The following XRN1 variants were observed in gnomAD, a reference collection of about 807,000 sequenced individuals.
XRN1 encodes the protein strand-exchange protein 1 homolog.
In XRN1, 67 loss-of-function variants were observed where a neutral mutation model predicts 222.3. The observed-to-expected ratio is 0.30, with a 90% confidence interval of 0.25 to 0.37. XRN1 has a LOEUF of 0.37. XRN1 is among the 10% of genes least tolerant of loss of function. The pLI, the probability that XRN1 is intolerant of heterozygous loss-of-function variation, is 1.00. For missense variants in XRN1, 1,707 were observed against 2,000.2 expected (o/e 0.85, Z 2.80); for synonymous variants, 643 against 652.4 (o/e 0.99, Z 0.22).
intron 40 of XRN1, among the ~76,000 whole-genome samples, 188 bp downstream of exon 40, chr3:142,312,407 AATT>A (rs1402292681): frequency 6.6e-6 from 1 of 152,186 alleles, no homozygotes; most frequent in Non-Finnish European, 1.5e-5. Flanking sequence ...TACTTGGTAC[AATT>A]ATTGTTTATT....
At chr3:142,434,600 T>C (rs2069789083) in intron 1 of XRN1, among the ~76,000 whole-genome samples, 1 of 151,074 alleles carries the variant, frequency 6.6e-6, no homozygotes. Flanking sequence ...AGAAGAGTAT[T>C]AAAAAGAAGA....
chr3:142,404,259 C>T (rs1397236271), intron 16 of XRN1, among the ~76,000 whole-genome samples: 1 of 152,044 alleles, frequency 6.6e-6, no homozygotes, highest in South Asian at 2.1e-4. Flanking sequence ...TAAAATATGA[C>T]ACATAACACA....
At chr3:142,434,372 G>A (rs768185221) in intron 1 of XRN1, among the ~76,000 whole-genome samples, 5 of 151,994 alleles carry the variant, frequency 3.3e-5, no homozygotes, top group Non-Finnish European at 5.9e-5. Flanking sequence ...TACCAGCCAT[G>A]TTGCCCAGGT....
At chr3:142,385,456 G>C (rs1460167366) in intron 20 of XRN1, among the ~76,000 whole-genome samples, 1 of 152,134 alleles carries the variant, frequency 6.6e-6, no homozygotes, top group Non-Finnish European at 1.5e-5. Context: ...GGGTTGCCAG[G>C]AGTATGTGAT....
intron 25 of XRN1, 67 bp downstream of exon 25, chr3:142,375,731 G>A: frequency 7.0e-7 from 1 of 1,435,744 alleles, no homozygotes; most frequent in Non-Finnish European, 9.3e-7. Context: ...CTAATATCAG[G>A]AAGGCAAAAT....
chr3:142,426,190 A>G (rs193196643), intron 3 of XRN1, among the ~76,000 whole-genome samples: 47 of 152,314 alleles, frequency 3.1e-4, no homozygotes, highest in African/African-American at 1.0e-3. Flanking sequence ...ATTTTCATTC[A>G]AAGTAAAGAA....
At chr3:142,338,383 G>A (rs1186963259) in intron 33 of XRN1, among the ~76,000 whole-genome samples, 1 of 152,132 alleles carries the variant, frequency 6.6e-6, no homozygotes, top group Non-Finnish European at 1.5e-5. Context: ...GTCCTGAAGG[G>A]AAGAACCCAG....
intron 2 of XRN1, among the ~76,000 whole-genome samples, chr3:142,427,064 T>A (rs1049823312): frequency 6.6e-6 from 1 of 152,234 alleles, no homozygotes; most frequent in South Asian, 2.1e-4. Context: ...GTGCAGTGGC[T>A]CATGCCTGTA....
At chr3:142,321,501 C>T (rs1337498674) in intron 37 of XRN1, among the ~76,000 whole-genome samples, 1 of 152,182 alleles carries the variant, frequency 6.6e-6, no homozygotes, top group East Asian at 1.9e-4. Context: ...TTTGGGCTCT[C>T]TGTTCTATTC....
intron 23 of XRN1, 102 bp from the exon 24 acceptor site, chr3:142,376,696 C>T: frequency 1.2e-6 from 1 of 824,026 alleles, no homozygotes; most frequent in Non-Finnish European, 1.9e-6. Context: ...ACATCACTAA[C>T]CATTGGATTG....
Position 142,437,479 on chromosome 3 carries a change from C to G in XRN1, c.76-4586G>C, listed in dbSNP as rs377167159. Among the ~76,000 whole-genome samples the G allele has an allele frequency of 3.3e-5, 5 of 152,298 alleles. No individual in the cohort carries two copies. In the East Asian group the frequency reaches 9.6e-4, roughly 29 times the overall value. Reference sequence around the variant, plus strand: ...TGATCACATTGCTTCCTTACCTAAACCCATAGGATACTACAAATCCTTAAT... The same window carrying G: ...TGATCACATTGCTTCCTTACCTAAAGCCATAGGATACTACAAATCCTTAAT... On this transcript the variant is annotated intron_variant, in intron 1 of 40. Transcript: ENST00000392981.
At chr3:142,379,142 G>C (rs548887623) in intron 23 of XRN1, among the ~76,000 whole-genome samples, 2 of 152,038 alleles carry the variant, frequency 1.3e-5, no homozygotes, top group Non-Finnish European at 2.9e-5. Context: ...ATGGTGGTGG[G>C]TGCCTGTAAT....
intron 27 of XRN1, among the ~76,000 whole-genome samples, chr3:142,367,408 C>A (rs1223841225): frequency 6.6e-6 from 1 of 152,058 alleles, no homozygotes; most frequent in African/African-American, 2.4e-5. Context: ...GTTTGAGAAG[C>A]ACTGCTCTAG....
At chr3:142,385,604 T>C (rs566563395) in intron 20 of XRN1, among the ~76,000 whole-genome samples, 1 of 152,294 alleles carries the variant, frequency 6.6e-6, no homozygotes, top group African/African-American at 2.4e-5. Flanking sequence ...GTGACAGACA[T>C]TGTAAAGTCT....
rs759437436 is a variant in XRN1 at position 142,423,568 on chromosome 3, T to G, written c.702A>C (p.Lys234Asn). 1 of 1,603,440 alleles carries G rather than the reference T, an allele frequency of 6.2e-7. No homozygotes were observed. ...LREEVRFGGKKTQRVCAPEET... is the reference protein window; with the variant it reads ...LREEVRFGGKNTQRVCAPEET... ...TATGCTATATAATTTACCGTTGTGTTTTTTTGCCACCAAATCGAACTTCTT... is the reference window on the plus strand; with the variant it reads ...TATGCTATATAATTTACCGTTGTGTGTTTTTGCCACCAAATCGAACTTCTT... Residue 234 changes from lysine (K) to asparagine (N), a missense_variant, in exon 6 of 41, where the codon AAA becomes AAC. Lys to Asn is a moderately conservative substitution (Grantham distance 94). Around this residue, in one of 2 missense-constraint regions of XRN1, gnomAD observed 1,234 missense variants for 1,518.2 expected, o/e 0.81. Coordinates refer to ENST00000392981, the MANE Select transcript of XRN1 (RefSeq NM_001282857.2).
chr3:142,354,833 AT>A lies in XRN1; in HGVS notation c.3768+567del, dbSNP rs1401688435. ...GGTGTGAGCCACAGTGCCCGGCCAG[AT>A]TTTTAAAAATGTGGTATATATACAC... On this transcript the variant is annotated intron_variant, in intron 32 of 40. Transcript: ENST00000392981. Among the ~76,000 whole-genome samples, 12 of 152,272 alleles carry A rather than the reference AT, an allele frequency of 7.9e-5. No individual in the cohort carries two copies. In the South Asian group the frequency reaches 2.3e-3, roughly 29 times the overall value.
intron 29 of XRN1, among the ~76,000 whole-genome samples, chr3:142,363,860 A>G (rs564070979): frequency 6.3e-4 from 96 of 152,048 alleles, no homozygotes; most frequent in African/African-American, 2.3e-3. Flanking sequence ...GATTTCTTTG[A>G]CTGTATAAAT....
At chr3:142,441,526 T>G (rs776934419) in intron 1 of XRN1, among the ~76,000 whole-genome samples, 3 of 152,176 alleles carry the variant, frequency 2.0e-5, no homozygotes, top group Non-Finnish European at 2.9e-5. Context: ...AGAAAACTGA[T>G]GTAGTGGCAA....
intron 32 of XRN1, among the ~76,000 whole-genome samples, chr3:142,352,157 C>T (rs775516976): frequency 1.3e-5 from 2 of 152,154 alleles, no homozygotes; most frequent in African/African-American, 2.4e-5. Flanking sequence ...TGTTTCCTAT[C>T]TTTTTCACAT....
Sources: gnomAD v4.1 joint callset for allele counts (sites outside exome capture counted in the v4.1 genomes callset) on GRCh38, gnomAD v4.1.1 for gene constraint, gnomAD v4.1.1 regional missense constraint, MANE v1.5 for transcripts, NCBI Gene and HGNC (gene_info 2026-07-23, HGNC 2026-07-21) for gene names.